The following PRR16 variants were observed in gnomAD, a reference collection of about 807,000 sequenced individuals.
PRR16 encodes protein Largen.
In PRR16, 6 loss-of-function variants were observed where a neutral mutation model predicts 18.2. The observed-to-expected ratio is 0.33, with a 90% confidence interval of 0.18 to 0.65. The LOEUF (loss-of-function observed/expected upper bound fraction) is 0.65. Ranked by LOEUF, PRR16 falls within the 30% of genes least tolerant of loss-of-function variation. The pLI, the probability that PRR16 is intolerant of heterozygous loss-of-function variation, is 0.74. For synonymous variants in PRR16, 151 were observed against 147.8 expected (o/e 1.02, Z -0.16); for missense variants, 412 against 376.6 (o/e 1.09, Z -0.78).
At chr5:120,478,330 T>G (rs929106083) in intron 1 of PRR16, among the ~76,000 whole-genome samples, 1 of 152,192 alleles carries the variant, frequency 6.6e-6, no homozygotes, top group African/African-American at 2.4e-5. Context: ...GTGGTGGTTT[T>G]TGGATTGGCT....
intron 1 of PRR16, among the ~76,000 whole-genome samples, chr5:120,665,540 T>A (rs1756341757): frequency 6.6e-6 from 1 of 152,206 alleles, no homozygotes. Context: ...CCCATGTCTA[T>A]GTCCTGAATG....
the PRR16 span, among the ~76,000 whole-genome samples, chr5:120,729,607 G>A: frequency 1.9e-4 from 29 of 152,230 alleles, no homozygotes; most frequent in African/African-American, 6.3e-4. Context: ...ATAAAAGCAA[G>A]AATTTTATTT....
chr5:120,676,506 TTATA>T (rs751643945), intron 1 of PRR16, among the ~76,000 whole-genome samples: 39 of 138,592 alleles, frequency 2.8e-4, no homozygotes, highest in East Asian at 1.0e-3. Context: ...TATGTTTATT[TTATA>T]TATATATATA....
At chr5:120,641,230 G>T (rs968915421) in intron 1 of PRR16, among the ~76,000 whole-genome samples, 1 of 152,026 alleles carries the variant, frequency 6.6e-6, no homozygotes, top group Non-Finnish European at 1.5e-5. Flanking sequence ...AATGCTTATT[G>T]AAGATTATGT....
the PRR16 span, among the ~76,000 whole-genome samples, chr5:120,697,677 T>C: frequency 1.3e-5 from 2 of 151,960 alleles, no homozygotes; most frequent in Non-Finnish European, 2.9e-5. Context: ...GGGGCCGTTT[T>C]ATAGGATTTG....
intron 1 of PRR16, among the ~76,000 whole-genome samples, chr5:120,637,311 T>G (rs111834221): frequency 0.011 from 835 of 72,918 alleles, 11 homozygotes; most frequent in Non-Finnish European, 0.015. Flanking sequence ...AGTAAGCCAT[T>G]ATACGGAAAA....
the PRR16 span, among the ~76,000 whole-genome samples, chr5:120,747,393 A>G: frequency 2.0e-5 from 3 of 152,212 alleles, no homozygotes; most frequent in South Asian, 2.1e-4. Flanking sequence ...AACCAATGCC[A>G]TTAACCAAAC....
At chr5:120,499,455 C>G (rs1430996884) in intron 1 of PRR16, among the ~76,000 whole-genome samples, 1 of 152,068 alleles carries the variant, frequency 6.6e-6, no homozygotes, top group African/African-American at 2.4e-5. Flanking sequence ...GCTAGTTTCT[C>G]TCTGTTGTTC....
At chr5:120,713,006 T>A in the PRR16 span, among the ~76,000 whole-genome samples, 2 of 152,166 alleles carry the variant, frequency 1.3e-5, no homozygotes, top group Admixed American at 6.5e-5. Flanking sequence ...TGAAGAGATA[T>A]CTGCACTCCT....
At chr5:120,683,815 A>C (rs1017973036) in intron 1 of PRR16, among the ~76,000 whole-genome samples, 2 of 152,238 alleles carry the variant, frequency 1.3e-5, no homozygotes, top group Admixed American at 6.5e-5. Flanking sequence ...GAGTGAGACT[A>C]TGCAGAATCC....
rs142050004 is a variant in PRR16, at chr5:120,500,698, T to C, written c.159+36053T>C. Among the ~76,000 whole-genome samples the C allele has an allele frequency of 4.2e-3, 643 of 152,306 alleles. 7 individuals carry two copies. Among genetic ancestry groups the C allele is most frequent in the Middle Eastern group, 0.014 (4 of 294 alleles). Reference sequence around the variant, plus strand: ...AACACCACATGGAAAACTTATTCTTTTTTATAAGATTTTGATATCCTGTCA... The same window carrying C: ...AACACCACATGGAAAACTTATTCTTCTTTATAAGATTTTGATATCCTGTCA... On this transcript the variant is annotated intron_variant, in intron 1 of 1. Transcript: ENST00000407149.
At chr5:120,505,392 T>C (rs770752587) in intron 1 of PRR16, among the ~76,000 whole-genome samples, 17 of 151,168 alleles carry the variant, frequency 1.1e-4, no homozygotes, top group Non-Finnish European at 2.4e-4. Flanking sequence ...GTATTGAATG[T>C]GGCTGTTGCC....
chr5:120,551,478 C>G (rs1752252749), intron 1 of PRR16, among the ~76,000 whole-genome samples: 1 of 151,970 alleles, frequency 6.6e-6, no homozygotes. Flanking sequence ...ATAATAAGAA[C>G]TGCCTCATCA....
At chr5:120,469,992 G>T (rs1749216966) in intron 1 of PRR16, among the ~76,000 whole-genome samples, 1 of 152,088 alleles carries the variant, frequency 6.6e-6, no homozygotes. Context: ...AGTGTAATAG[G>T]TTTCATTATT....
chr5:120,481,620 C>T (rs577022723), intron 1 of PRR16, among the ~76,000 whole-genome samples: 226 of 152,032 alleles, frequency 1.5e-3, no homozygotes, highest in Non-Finnish European at 2.8e-3. Flanking sequence ...TTAATCAATA[C>T]AGTGGAATAT....
At chr5:120,659,426 AC>A (rs1406426079) in intron 1 of PRR16, among the ~76,000 whole-genome samples, 2 of 151,988 alleles carry the variant, frequency 1.3e-5, no homozygotes, top group Non-Finnish European at 2.9e-5. Flanking sequence ...GTATAGACCT[AC>A]CCACTGAATA....
At chr5:120,718,307 T>C in the PRR16 span, among the ~76,000 whole-genome samples, 2 of 152,082 alleles carry the variant, frequency 1.3e-5, no homozygotes, top group Non-Finnish European at 2.9e-5. Context: ...ATATACTGGC[T>C]TAAACATAGA....
At chr5:120,652,266 A>G (rs1755817474) in intron 1 of PRR16, among the ~76,000 whole-genome samples, 1 of 152,124 alleles carries the variant, frequency 6.6e-6, no homozygotes, top group Non-Finnish European at 1.5e-5. Flanking sequence ...CTACATGGAC[A>G]TCATGAATTG....
chr5:120,482,073 C>G (rs1489716926), intron 1 of PRR16, among the ~76,000 whole-genome samples: 1 of 152,016 alleles, frequency 6.6e-6, no homozygotes, highest in Non-Finnish European at 1.5e-5. Context: ...AAAAATTTGT[C>G]ACCTTTTTAA....
Sources: allele counts gnomAD v4.1 joint callset (sites outside exome capture counted in the v4.1 genomes callset), GRCh38; gene constraint gnomAD v4.1.1; transcripts MANE v1.5; gene names NCBI Gene and HGNC (gene_info 2026-07-23, HGNC 2026-07-21).